CUBN: variants seen among roughly 807,000 people sequenced by gnomAD.
CUBN encodes 460 kDa receptor.
CUBN carries 282 observed loss-of-function variants against 405.3 expected under a neutral mutation model. That is an observed-to-expected ratio of 0.70 (90% CI 0.63 to 0.77). CUBN has a LOEUF of 0.77. Among genes scored for constraint, CUBN ranks in the 30% least tolerant of loss-of-function variants. The pLI is 0.00. For synonymous variants in CUBN, 1,684 were observed against 1,617.0 expected (o/e 1.04, Z -0.99); for missense variants, 4,514 against 4,475.2 (o/e 1.01, Z -0.25).
chr10:17,086,553 G>A (rs574734896), intron 15 of CUBN, among the ~76,000 whole-genome samples: 1 of 152,072 alleles, frequency 6.6e-6, no homozygotes, highest in African/African-American at 2.4e-5. Flanking sequence ...TAGTAAGTAA[G>A]TACTACAATG....
At chr10:17,033,362 A>C (rs1834824477) in intron 27 of CUBN, among the ~76,000 whole-genome samples, 1 of 152,148 alleles carries the variant, frequency 6.6e-6, no homozygotes, top group Non-Finnish European at 1.5e-5. Flanking sequence ...CCAGCACTTA[A>C]CGCTGCCTGT....
At position 16,984,173 on chromosome 10, in the gene CUBN, A is replaced by G. The variant is rs1363188190; in HGVS notation, c.4457T>C (p.Ile1486Thr). 1 of 1,614,180 alleles carries G rather than the reference A, an allele frequency of 6.2e-7. No individual in the cohort carries two copies. The highest frequency in any genetic ancestry group is 8.5e-7 in the Non-Finnish European group (1 of 1,180,042). Residue 1486 changes from isoleucine to threonine, a missense_variant, in exon 30 of 67, where the codon ATT (isoleucine) becomes ACT (threonine). By Grantham distance (89) the Ile-to-Thr change is moderately conservative. Around this residue, in one of 5 missense-constraint regions of CUBN, gnomAD observed 1,613 missense variants for 1,542.8 expected, o/e 1.05. Coordinates refer to ENST00000377833, the MANE Select transcript of CUBN (RefSeq NM_001081.4). ...QVSSTGNELA[I>T]RFKTDLSING... The stretch of plus-strand genomic sequence containing the variant: ...TATGGACAAGTCGGTCTTGAATCGA[A>G]TTGCTAGCTCATTTCCAGTGCTGGA...
chr10:16,863,030 A>G (rs887504079), intron 59 of CUBN, among the ~76,000 whole-genome samples: 1 of 152,230 alleles, frequency 6.6e-6, no homozygotes, highest in African/African-American at 2.4e-5. Context: ...GTGTTGAAAT[A>G]TGTTTATTAA....
intron 17 of CUBN, among the ~76,000 whole-genome samples, chr10:17,078,070 C>CCAT (rs748190105): frequency 4.6e-5 from 7 of 151,914 alleles, no homozygotes; most frequent in Admixed American, 1.3e-4. Flanking sequence ...CTTCTCCTCC[C>CCAT]CATCATCATC....
intron 17 of CUBN, among the ~76,000 whole-genome samples, chr10:17,077,627 T>C (rs1288381150): frequency 6.6e-6 from 1 of 152,202 alleles, no homozygotes; most frequent in Non-Finnish European, 1.5e-5. Context: ...CCACACCGTA[T>C]GGTAGTGTTT....
chr10:16,994,387 T>A (rs1363288242), intron 28 of CUBN, among the ~76,000 whole-genome samples: 1 of 152,228 alleles, frequency 6.6e-6, no homozygotes, highest in African/African-American at 2.4e-5. Flanking sequence ...GTAATTTCAA[T>A]AAGTTTTTAT....
rs1352831722 is a variant in CUBN at position 16,825,028 on chromosome 10, G to A, written c.10819C>T (p.His3607Tyr). 3 of 1,613,726 alleles carry A rather than the reference G, an allele frequency of 1.9e-6. No homozygotes were observed. Among genetic ancestry groups the A allele is most frequent in the Admixed American group, 3.3e-5 (2 of 59,984 alleles). ...ASSNQVFIKF[H>Y]ADYARRPSAF... ...GATGGACGCCGTGCATAATCAGCAT[G>A]AAATTTTATGAAGACCTGATTTGAG... The change falls in exon 67 of 67, where the codon CAT becomes TAT. Residue 3607 changes from histidine to tyrosine, a missense_variant. This residue lies in a region of CUBN where 1,186 missense variants were observed against 1,186.9 expected (regional missense o/e 1.00). Coordinates refer to ENST00000377833, the MANE Select transcript of CUBN (RefSeq NM_001081.4).
Position 16,828,955 on chromosome 10 carries a change from C to G in CUBN, c.10614G>C (p.Glu3538Asp). The G allele has an allele frequency of 2.5e-6, 4 of 1,614,156 alleles. No homozygotes were observed. The highest frequency in any genetic ancestry group is 3.4e-6 in the Non-Finnish European group (4 of 1,180,040). The change falls in exon 66 of 67, where the codon GAG becomes GAC. Residue 3538 changes from glutamate (E) to aspartate (D), a missense_variant. Transcript: ENST00000377833. ...PGTYPNNTYC[E>D]WVLVAPAGRL... ...TTCCAGCAGGAGCAACAAGGACCCA[C>G]TCGCAGTACGTGTTGTTTGGGTATG...
chr10:16,955,265 C>A (rs1195386834), intron 31 of CUBN, among the ~76,000 whole-genome samples: 1 of 149,486 alleles, frequency 6.7e-6, no homozygotes, highest in Non-Finnish European at 1.5e-5. Context: ...CAAAGCTACT[C>A]AGGAGGCTGA....
intron 46 of CUBN, 85 bp from the exon 47 acceptor site, chr10:16,915,257 A>C: frequency 6.5e-7 from 1 of 1,529,164 alleles, no homozygotes; most frequent in Admixed American, 1.7e-5. Context: ...GTGTACAAAG[A>C]AAATAATAAA....
intron 36 of CUBN, among the ~76,000 whole-genome samples, chr10:16,944,199 T>C (rs919958692): frequency 6.6e-6 from 1 of 152,198 alleles, no homozygotes; most frequent in Non-Finnish European, 1.5e-5. Context: ...CACTGCACTT[T>C]GAATAGAAAG....
rs112434133 is a variant in CUBN, at chr10:17,122,480, G to A, written c.593+315C>T. On this transcript the variant is annotated intron_variant, in intron 6 of 66. Transcript: ENST00000377833. ...TTCAGTGGCTCCCCTTCAATGCTCC[G>A]GCTCTTCCTAAGTCTTCAGCTCCTT... 1,493 of 421,118 alleles carry A rather than the reference G, an allele frequency of 3.5e-3. 10 individuals carry two copies. Among genetic ancestry groups the A allele is most frequent in the African/African-American group, 0.028 (1,374 of 48,302 alleles). 26.1% of individuals were successfully genotyped at this position (421,118 alleles called of 1,614,324 possible). A position where few individuals can be genotyped will look rare whatever the true frequency, so the allele number is the denominator to read the frequency against.
At chr10:16,899,227 T>C (rs1482089701) in intron 53 of CUBN, 44 bp from the exon 54 acceptor site, 2 of 1,518,560 alleles carry the variant, frequency 1.3e-6, no homozygotes, top group South Asian at 1.1e-5. Context: ...GCAAGGAAAG[T>C]AATTTTGGAA....
intron 31 of CUBN, among the ~76,000 whole-genome samples, chr10:16,963,112 T>C (rs1843279608): frequency 6.6e-6 from 1 of 151,976 alleles, no homozygotes. Flanking sequence ...GGAAACTGAT[T>C]ACAAGTATGA....
chr10:17,107,494 CTTTT>C (rs34281338), intron 10 of CUBN, among the ~76,000 whole-genome samples: 3 of 91,760 alleles, frequency 3.3e-5, no homozygotes, highest in Non-Finnish European at 4.5e-5. Flanking sequence ...ATAAGTTGTT[CTTTT>C]TTTTTTTTTT....
intron 31 of CUBN, among the ~76,000 whole-genome samples, chr10:16,979,231 T>C (rs1833192123): frequency 6.6e-6 from 1 of 152,110 alleles, no homozygotes; most frequent in African/African-American, 2.4e-5. Flanking sequence ...TGCTCGTGGA[T>C]AGGAAGAATT....
chr10:17,026,872 G>C (rs901452862), intron 27 of CUBN, among the ~76,000 whole-genome samples: 24 of 152,158 alleles, frequency 1.6e-4, no homozygotes, highest in Non-Finnish European at 2.9e-4. Flanking sequence ...CCCTGACATA[G>C]GCACAGAAAA....
At chr10:16,867,345 A>C (rs919978263) in intron 59 of CUBN, among the ~76,000 whole-genome samples, 2 of 152,170 alleles carry the variant, frequency 1.3e-5, no homozygotes, top group Non-Finnish European at 2.9e-5. Context: ...CGACCCTATA[A>C]ACCTTACAGT....
intron 19 of CUBN, 78 bp from the exon 20 acceptor site, chr10:17,068,848 T>C (rs1252927974): frequency 1.7e-6 from 2 of 1,172,664 alleles, no homozygotes; most frequent in Non-Finnish European, 2.5e-6. Flanking sequence ...ATTTCTGAAA[T>C]GTTTTTAATG....
Sources: gnomAD v4.1 joint callset for allele counts (sites outside exome capture counted in the v4.1 genomes callset) on GRCh38, gnomAD v4.1.1 for gene constraint, gnomAD v4.1.1 regional missense constraint, MANE v1.5 for transcripts, NCBI Gene and HGNC (gene_info 2026-07-23, HGNC 2026-07-21) for gene names.